Variants in METAP1D observed in about 807,000 individuals in gnomAD.
METAP1D encodes methionine aminopeptidase 1D, mitochondrial.
Under a neutral mutation model 40.5 loss-of-function variants are expected in METAP1D, and 31 were observed. The observed-to-expected ratio is 0.77, with a 90% CI of 0.58 to 1.03. The LOEUF is 1.03. METAP1D is among the 50% of genes least tolerant of loss of function. The probability of loss-of-function intolerance (pLI) is 0.00; values close to 1 mark genes in which losing one functional copy is unlikely to be tolerated. For missense variants in METAP1D, 411 were observed against 420.7 expected (o/e 0.98, Z 0.20); for synonymous variants, 151 against 146.4 (o/e 1.03, Z -0.22).
intron 1 of METAP1D, among the ~76,000 whole-genome samples, chr2:172,026,441 T>C (rs1384214000): frequency 2.6e-5 from 4 of 152,192 alleles, no homozygotes; most frequent in African/African-American, 7.2e-5. Context: ...GTTAGCACCA[T>C]TGATGGTCAT....
At chr2:172,000,341 A>G (rs897261846) in intron 1 of METAP1D, among the ~76,000 whole-genome samples, 4 of 152,212 alleles carry the variant, frequency 2.6e-5, no homozygotes, top group Admixed American at 1.3e-4. Flanking sequence ...CTGTATGCCG[A>G]GCAAGGAAAC....
intron 1 of METAP1D, among the ~76,000 whole-genome samples, chr2:172,051,962 C>CT (rs1411124280): frequency 6.6e-6 from 1 of 152,048 alleles, no homozygotes; most frequent in African/African-American, 2.4e-5. Context: ...CACACATTTC[C>CT]TTTTTATTTC....
At chr2:172,077,956 C>T (rs1312468702) in intron 7 of METAP1D, 62 bp downstream of exon 7, 3 of 897,726 alleles carry the variant, frequency 3.3e-6, no homozygotes, top group Non-Finnish European at 5.4e-6. Context: ...AGCTTTGACC[C>T]TGAAGCTCTT....
intron 1 of METAP1D, among the ~76,000 whole-genome samples, chr2:172,025,078 G>C (rs1217987718): frequency 6.6e-6 from 1 of 152,168 alleles, no homozygotes; most frequent in East Asian, 1.9e-4. Context: ...TTTTGTGTAT[G>C]TAGGAATCAT....
In METAP1D at chr2:172,009,667, G is replaced by C. The variant is rs116718622; in HGVS notation, c.40+9658G>C. On this transcript the variant is annotated intron_variant, in intron 1 of 9. Transcript: ENST00000315796. ...AAACTCTTACTATACCTTAATGTTA[G>C]AGTGGAAGACTGTAGGGTAAGAGAG... Among the ~76,000 whole-genome samples the C allele has an allele frequency of 2.3e-3, 355 of 152,302 alleles. 4 individuals are homozygous for C. The highest frequency in any genetic ancestry group is 3.9e-3 in the Non-Finnish European group (264 of 68,020).
intron 3 of METAP1D, among the ~76,000 whole-genome samples, chr2:172,064,625 A>G (rs1690209306): frequency 6.6e-6 from 1 of 152,036 alleles, no homozygotes; most frequent in Non-Finnish European, 1.5e-5. Context: ...ATCTCAAAAA[A>G]AAAAAAAAAA....
At chr2:172,001,762 A>C (rs1019013295) in intron 1 of METAP1D, among the ~76,000 whole-genome samples, 1 of 152,052 alleles carries the variant, frequency 6.6e-6, no homozygotes, top group Non-Finnish European at 1.5e-5. Context: ...ATGAGAGTGT[A>C]GCCTTGTGAA....
chr2:172,054,470 G>T (rs1689958071), intron 1 of METAP1D, among the ~76,000 whole-genome samples: 1 of 152,084 alleles, frequency 6.6e-6, no homozygotes, highest in Admixed American at 6.5e-5. Context: ...AGTGAGCCGA[G>T]ATCGTGCTAC....
intron 6 of METAP1D, among the ~76,000 whole-genome samples, chr2:172,076,238 A>G (rs962675876): frequency 2.6e-5 from 4 of 151,818 alleles, no homozygotes; most frequent in African/African-American, 9.7e-5. Flanking sequence ...AGAATAGTTT[A>G]TATTGAGTGT....
intron 1 of METAP1D, among the ~76,000 whole-genome samples, chr2:172,050,268 T>C (rs1469335627): frequency 6.6e-6 from 1 of 152,212 alleles, no homozygotes; most frequent in African/African-American, 2.4e-5. Context: ...AATTTAAAAA[T>C]ATATTAAAGC....
chr2:172,067,089 C>A (rs1045018877), intron 5 of METAP1D, among the ~76,000 whole-genome samples: 2 of 152,106 alleles, frequency 1.3e-5, no homozygotes, highest in Admixed American at 1.3e-4. Flanking sequence ...TTTTACATTT[C>A]TGTTTATTAA....
At chr2:172,028,710 A>G (rs1420551339) in intron 1 of METAP1D, among the ~76,000 whole-genome samples, 1 of 152,172 alleles carries the variant, frequency 6.6e-6, no homozygotes, top group Admixed American at 6.5e-5. Flanking sequence ...TTTGCCACGA[A>G]CTATATAACA....
In METAP1D at chr2:172,042,595, ATGTG is replaced by A. The variant is rs1449337783; in HGVS notation, c.41-18902_41-18899del. Among the ~76,000 whole-genome samples the A allele has an allele frequency of 3.1e-4, 12 of 38,948 alleles. 6 individuals are homozygous for A. Among genetic ancestry groups the A allele is most frequent in the Non-Finnish European group, 6.0e-4 (12 of 20,126 alleles). 25.6% of individuals were successfully genotyped at this position (38,948 alleles called of 152,430 possible). The stretch of plus-strand genomic sequence containing the variant: ...TATACATATATGTGTGTATGTGTAC[ATGTG>A]CACATATATACATATATGTGTGTAT... On this transcript the variant is annotated intron_variant, in intron 1 of 9. Transcript: ENST00000315796.
intron 1 of METAP1D, among the ~76,000 whole-genome samples, chr2:172,018,480 G>C (rs1688931500): frequency 6.6e-6 from 1 of 152,190 alleles, no homozygotes; most frequent in Non-Finnish European, 1.5e-5. Flanking sequence ...CTTGATACAA[G>C]AGTGAAGTGG....
intron 1 of METAP1D, among the ~76,000 whole-genome samples, chr2:172,005,544 A>C (rs866637990): frequency 0.13 from 13,954 of 111,522 alleles, 978 homozygotes; most frequent in South Asian, 0.19. Context: ...ATATATATAT[A>C]TCTTTTTTTT....
At chr2:172,027,121 C>T (rs149304028) in intron 1 of METAP1D, among the ~76,000 whole-genome samples, 39 of 152,296 alleles carry the variant, frequency 2.6e-4, no homozygotes, top group African/African-American at 7.7e-4. Flanking sequence ...CACTGATTGT[C>T]GGCTGTATGC....
chr2:172,024,185 T>C (rs1175313809), intron 1 of METAP1D, among the ~76,000 whole-genome samples: 1 of 152,146 alleles, frequency 6.6e-6, no homozygotes, highest in African/African-American at 2.4e-5. Flanking sequence ...TCAGCTTTTT[T>C]GTGTGTTTGA....
chr2:172,049,045 C>T (rs773636538), intron 1 of METAP1D, among the ~76,000 whole-genome samples: 2 of 152,122 alleles, frequency 1.3e-5, no homozygotes, highest in Non-Finnish European at 2.9e-5. Context: ...AGTGCAGCAG[C>T]GCAATCTTGG....
Position 172,080,184 on chromosome 2 carries a change from G to T in METAP1D, c.907G>T (p.Val303Leu), listed in dbSNP as rs1690666827. ...EFKVLEDAWT[V>L]VSLDNQRSAQ... ...TAAAGTCCTGGAGGATGCATGGACT[G>T]TGGTCTCCCTAGACAATCAAAGGTG... Residue 303 changes from valine (V) to leucine (L), a missense_variant, in exon 9 of 10, where the codon GTG becomes TTG. Transcript: ENST00000315796. 4 of 1,614,240 alleles carry T rather than the reference G, an allele frequency of 2.5e-6. No individual in the cohort carries two copies. The highest frequency in any genetic ancestry group is 1.1e-5 in the South Asian group (1 of 91,088).
Sources: allele counts gnomAD v4.1 joint callset (sites outside exome capture counted in the v4.1 genomes callset), GRCh38; gene constraint gnomAD v4.1.1; transcripts MANE v1.5; gene names NCBI Gene and HGNC (gene_info 2026-07-23, HGNC 2026-07-21).